GPC5: variants seen among roughly 807,000 people sequenced by gnomAD.
GPC5 encodes glypican-5.
Under a neutral mutation model 53.9 loss-of-function variants are expected in GPC5, and 47 were observed. The observed-to-expected ratio is 0.87, with a 90% confidence interval of 0.69 to 1.11. GPC5 has a LOEUF of 1.11. Ranked by LOEUF, GPC5 falls within the 50% of genes most tolerant of loss-of-function variation. The pLI is 0.00. For missense variants in GPC5, 748 were observed against 713.1 expected (o/e 1.05, Z -0.56); for synonymous variants, 286 against 263.3 (o/e 1.09, Z -0.84).
At chr13:91,951,701 T>C (rs2040027281) in intron 6 of GPC5, among the ~76,000 whole-genome samples, 2 of 152,150 alleles carry the variant, frequency 1.3e-5, no homozygotes, top group South Asian at 2.1e-4. Context: ...TATGGTTGAC[T>C]ACAGTAGAAT....
At chr13:91,746,956 A>G (rs958133689) in intron 4 of GPC5, among the ~76,000 whole-genome samples, 2 of 152,004 alleles carry the variant, frequency 1.3e-5, no homozygotes, top group African/African-American at 2.4e-5. Flanking sequence ...CTATCTTTCT[A>G]TGTTGGTCTG....
At position 92,619,426 on chromosome 13, in the gene GPC5, A is replaced by G. The variant is rs114992007; in HGVS notation, c.1562-246856A>G. Among the ~76,000 whole-genome samples, 482 of 152,096 alleles carry G rather than the reference A, an allele frequency of 3.2e-3. 4 individuals carry two copies. The highest frequency in any genetic ancestry group is 0.011 in the African/African-American group (443 of 41,562). Reference sequence around the variant, plus strand: ...AGCAATTTTATGAAGTAACTCGCCAATTATTCTTAGGTTAACACACTCTTT... The same window carrying G: ...AGCAATTTTATGAAGTAACTCGCCAGTTATTCTTAGGTTAACACACTCTTT... On this transcript the variant is annotated intron_variant, in intron 7 of 7. Transcript: ENST00000377067.
At chr13:92,833,666 A>G (rs1878126130) in intron 7 of GPC5, among the ~76,000 whole-genome samples, 1 of 152,102 alleles carries the variant, frequency 6.6e-6, no homozygotes, top group South Asian at 2.1e-4. Flanking sequence ...ATTTTATTGT[A>G]ATACTTATTA....
chr13:92,116,767 CATTGT>C (rs2041605043), intron 6 of GPC5, among the ~76,000 whole-genome samples: 1 of 152,136 alleles, frequency 6.6e-6, no homozygotes, highest in Admixed American at 6.6e-5. Flanking sequence ...AGTGGTATCT[CATTGT>C]AATTTTAATT....
chr13:91,757,519 G>A (rs759785621), intron 5 of GPC5, among the ~76,000 whole-genome samples: 1 of 151,998 alleles, frequency 6.6e-6, no homozygotes, highest in Non-Finnish European at 1.5e-5. Context: ...TGGTTTCCCC[G>A]ATCCTGTTCT....
intron 7 of GPC5, among the ~76,000 whole-genome samples, chr13:92,671,729 C>T (rs1886757998): frequency 6.6e-6 from 1 of 152,134 alleles, no homozygotes; most frequent in Non-Finnish European, 1.5e-5. Flanking sequence ...CTGTATATTC[C>T]AGTATCTGTG....
intron 7 of GPC5, among the ~76,000 whole-genome samples, chr13:92,389,967 C>T (rs908751805): frequency 2.0e-5 from 3 of 152,062 alleles, no homozygotes; most frequent in Admixed American, 6.6e-5. Flanking sequence ...ACCACTTTGC[C>T]AAATAAAACT....
intron 7 of GPC5, among the ~76,000 whole-genome samples, chr13:92,419,132 C>G (rs1030491514): frequency 6.6e-6 from 1 of 152,182 alleles, no homozygotes; most frequent in Non-Finnish European, 1.5e-5. Flanking sequence ...TGCAGAAACT[C>G]ATTTACTCAT....
chr13:92,437,388 G>A (rs937086546), intron 7 of GPC5, among the ~76,000 whole-genome samples: 1 of 151,898 alleles, frequency 6.6e-6, no homozygotes, highest in Non-Finnish European at 1.5e-5. Flanking sequence ...GAAGCTCCTG[G>A]CCTAGAGATA....
At chr13:92,008,523 TTTGTTTGACTAAAAG>T (rs1198307854) in intron 6 of GPC5, among the ~76,000 whole-genome samples, 3 of 152,060 alleles carry the variant, frequency 2.0e-5, no homozygotes, top group Admixed American at 2.0e-4. Flanking sequence ...TCTTTCAGTG[TTTGTTTGACTAAAAG>T]CAAAATTATC....
At chr13:92,294,875 G>T (rs1288539067) in intron 7 of GPC5, among the ~76,000 whole-genome samples, 16 of 139,638 alleles carry the variant, frequency 1.1e-4, no homozygotes, top group African/African-American at 3.9e-4. Flanking sequence ...TGTTGCCCAG[G>T]CTGTAGTGCA....
At chr13:92,221,595 A>G in intron 7 of GPC5, among the ~76,000 whole-genome samples, 1 of 152,128 alleles carries the variant, frequency 6.6e-6, no homozygotes, top group South Asian at 2.1e-4. Context: ...TGGCATAGGC[A>G]TTTGGTGGGG....
chr13:91,479,961 A>C (rs1883212305), intron 2 of GPC5, among the ~76,000 whole-genome samples: 1 of 152,222 alleles, frequency 6.6e-6, no homozygotes, highest in South Asian at 2.1e-4. Flanking sequence ...TGGACTATAT[A>C]AGTTTACCAA....
At chr13:92,365,075 G>A (rs986228555) in intron 7 of GPC5, among the ~76,000 whole-genome samples, 1 of 151,660 alleles carries the variant, frequency 6.6e-6, no homozygotes, top group Non-Finnish European at 1.5e-5. Context: ...ATCACTTAAT[G>A]ATGGGGCTAC....
intron 1 of GPC5, among the ~76,000 whole-genome samples, chr13:91,412,124 G>A (rs776529512): frequency 3.9e-5 from 6 of 152,166 alleles, no homozygotes; most frequent in Non-Finnish European, 8.8e-5. Flanking sequence ...TGATGTGATA[G>A]CTTAATCCCC....
At position 92,190,430 on chromosome 13, in the gene GPC5, A is replaced by G. The variant is rs1176750882; in HGVS notation, c.1561+45441A>G. On this transcript the variant is annotated intron_variant, in intron 7 of 7. Coordinates refer to ENST00000377067, the MANE Select transcript of GPC5 (RefSeq NM_004466.6). ...TTAATAAATCAAAGTAAAATTTGAA[A>G]AAGTTATTTTTCTTCGTTGCAGTAA... Among the ~76,000 whole-genome samples the G allele has an allele frequency of 2.0e-5, 3 of 152,196 alleles. No homozygotes were observed. In the East Asian group the frequency reaches 5.8e-4, roughly 29 times the overall value.
chr13:92,047,481 T>G (rs1203490572), intron 6 of GPC5, among the ~76,000 whole-genome samples: 5 of 151,470 alleles, frequency 3.3e-5, no homozygotes, highest in African/African-American at 1.2e-4. Flanking sequence ...CAGTGAGCCT[T>G]GTATCTCCCA....
intron 2 of GPC5, among the ~76,000 whole-genome samples, chr13:91,586,932 G>T (rs1241974206): frequency 2.0e-5 from 3 of 151,948 alleles, no homozygotes; most frequent in Non-Finnish European, 1.5e-5. Context: ...TAAATTTGGG[G>T]TAACAGGCTA....
chr13:91,779,392 A>G (rs563919641), intron 5 of GPC5, among the ~76,000 whole-genome samples: 2 of 151,662 alleles, frequency 1.3e-5, no homozygotes, highest in African/African-American at 4.8e-5. Flanking sequence ...ACAGGGTCTC[A>G]TGTTGTTGCC....
Sources: allele counts gnomAD v4.1 joint callset (sites outside exome capture counted in the v4.1 genomes callset), GRCh38; gene constraint gnomAD v4.1.1; transcripts MANE v1.5; gene names NCBI Gene and HGNC (gene_info 2026-07-23, HGNC 2026-07-21).